The following AFDN variants were observed in gnomAD, a reference collection of about 807,000 sequenced individuals.
The protein encoded by AFDN is afadin.
A neutral mutation model predicts 216.6 loss-of-function variants in AFDN; 68 were observed. That is an observed-to-expected ratio of 0.31 (90% confidence interval 0.26 to 0.38). The LOEUF is 0.38. Among genes scored for constraint, AFDN ranks in the 10% least tolerant of loss-of-function variants. The pLI, the probability that AFDN is intolerant of heterozygous loss-of-function variation, is 1.00. For missense variants in AFDN, 2,136 were observed against 2,342.0 expected (o/e 0.91, Z 1.82); for synonymous variants, 868 against 853.7 (o/e 1.02, Z -0.29).
intron 4 of AFDN, among the ~76,000 whole-genome samples, chr6:167,872,670 A>C (rs1413183032): frequency 6.6e-6 from 1 of 152,042 alleles, no homozygotes; most frequent in African/African-American, 2.4e-5. Flanking sequence ...TTTCTTTTTC[A>C]TCTTCAGCTG....
chr6:167,878,113 AG>A (rs1785618814), intron 5 of AFDN, among the ~76,000 whole-genome samples: 1 of 152,036 alleles, frequency 6.6e-6, no homozygotes, highest in South Asian at 2.1e-4. Context: ...TTGTAAGAGA[AG>A]TTTTAGTTGA....
chr6:167,954,552 C>G, intron 30 of AFDN: 2 of 1,489,052 alleles, frequency 1.3e-6, no homozygotes, highest in Non-Finnish European at 1.8e-6. Flanking sequence ...TCTTTTCTTT[C>G]AGTGGTGGCT....
chr6:167,944,012 A>G lies in AFDN; in HGVS notation c.3311A>G (p.His1104Arg). 1.2e-6 allele frequency: 2 copies of G among 1,614,170 alleles called. No homozygotes were observed. Among genetic ancestry groups the G allele is most frequent in the Non-Finnish European group, 1.7e-6 (2 of 1,180,014 alleles). ...GTAGCAAAGCAGGGTGCCATCTACC[A>G]CGGTCTGGCCACCCTTCTCAATCAG... ...LEVAKQGAIY[H>R]GLATLLNQPS... The change falls in exon 26 of 34, where the codon CAC (histidine) becomes CGC (arginine). Residue 1104 changes from histidine (H) to arginine (R), a missense_variant. Coordinates refer to ENST00000683244, the MANE Select transcript of AFDN (RefSeq NM_001386888.1).
chr6:167,850,627 A>G (rs1782190993), intron 1 of AFDN, among the ~76,000 whole-genome samples: 1 of 152,176 alleles, frequency 6.6e-6, no homozygotes, highest in African/African-American at 2.4e-5. Context: ...CATCGTTCAA[A>G]TTTAGAACCT....
rs1029060566 is a variant in AFDN, at chr6:167,827,058, GCC to G, written c.-71_-70del. 2.2e-5 allele frequency: 15 copies of G among 675,320 alleles called. No homozygotes were observed. In the African/African-American group the frequency reaches 2.8e-4, roughly 12 times the overall value. The allele number at this position is 675,320 out of a possible 1,614,324, so 41.8% of individuals were successfully genotyped here. On this transcript the variant is annotated 5_prime_UTR_variant, in exon 1 of 34. Transcript: ENST00000683244. ...GGCGGGGGGTGGCGAGGGGCGCCGGGCCCCCGCGGACCTGTCGTCCTCGGCCC... is the reference window on the plus strand; with the variant it reads ...GGCGGGGGGTGGCGAGGGGCGCCGGGCCCGCGGACCTGTCGTCCTCGGCCC...
intron 12 of AFDN, among the ~76,000 whole-genome samples, chr6:167,904,222 CTT>C (rs1789354195): frequency 7.2e-6 from 1 of 138,582 alleles, no homozygotes; most frequent in African/African-American, 2.9e-5. Context: ...TTTTTTTTTT[CTT>C]CCTGAGACAG....
intron 12 of AFDN, among the ~76,000 whole-genome samples, chr6:167,904,937 C>T (rs1480530760): frequency 6.6e-6 from 1 of 152,214 alleles, no homozygotes; most frequent in East Asian, 1.9e-4. Flanking sequence ...CCCTGACTTG[C>T]TCAGCCCCTA....
At chr6:167,839,324 C>T (rs1780795777) in intron 1 of AFDN, among the ~76,000 whole-genome samples, 1 of 151,566 alleles carries the variant, frequency 6.6e-6, no homozygotes. Context: ...GTTTCATGGG[C>T]CGAGAAGCAT....
intron 6 of AFDN, among the ~76,000 whole-genome samples, chr6:167,884,241 C>T (rs532859313): frequency 6.6e-6 from 1 of 152,322 alleles, no homozygotes; most frequent in South Asian, 2.1e-4. Context: ...TCTTGAACAG[C>T]TCCAAATCAT....
At chr6:167,897,019 A>T (rs367723000) in intron 10 of AFDN, 47 bp downstream of exon 10, 5 of 1,109,838 alleles carry the variant, frequency 4.5e-6, no homozygotes, top group Non-Finnish European at 6.9e-6. Context: ...TCCAGGAGGC[A>T]TAACGTATTG....
chr6:167,894,149 A>G (rs1436637339), intron 9 of AFDN, among the ~76,000 whole-genome samples: 2 of 152,120 alleles, frequency 1.3e-5, no homozygotes, highest in African/African-American at 4.8e-5. Flanking sequence ...CTGGGAAGGA[A>G]CTGAAGGCAA....
At chr6:167,864,502 C>T (rs376722608) in intron 1 of AFDN, 49 bp from the exon 2 acceptor site, 612 of 1,523,150 alleles carry the variant, frequency 4.0e-4, no homozygotes, top group Non-Finnish European at 5.2e-4. Context: ...AAAGTGAATC[C>T]TTTTCAGAAT....
intron 26 of AFDN, among the ~76,000 whole-genome samples, chr6:167,946,324 C>T (rs1795253947): frequency 6.6e-6 from 1 of 152,224 alleles, no homozygotes; most frequent in Admixed American, 6.5e-5. Context: ...GCTCACGTCA[C>T]ATGACGGCTG....
intron 30 of AFDN, among the ~76,000 whole-genome samples, chr6:167,961,899 C>G (rs1353811622): frequency 6.6e-6 from 1 of 152,118 alleles, no homozygotes; most frequent in Non-Finnish European, 1.5e-5. Context: ...AGTGGCAGGC[C>G]TTGGTCCCCG....
intron 4 of AFDN, among the ~76,000 whole-genome samples, chr6:167,875,123 TCTG>T (rs551404348): frequency 6.9e-4 from 105 of 152,332 alleles, no homozygotes; most frequent in African/African-American, 2.5e-3. Context: ...ATGATAGATG[TCTG>T]CTTAGTTCAG....
intron 5 of AFDN, 81 bp downstream of exon 5, chr6:167,875,576 T>G: frequency 8.3e-6 from 12 of 1,438,716 alleles, no homozygotes; most frequent in Non-Finnish European, 1.1e-5. Context: ...GAGACTTGCT[T>G]TAACTAAAGC....
intron 29 of AFDN, among the ~76,000 whole-genome samples, chr6:167,950,408 G>GTT (rs1435194687): frequency 1.4e-5 from 2 of 148,120 alleles, no homozygotes; most frequent in Non-Finnish European, 3.0e-5. Flanking sequence ...CTGTGTGTGT[G>GTT]TGTGTGTGTG....
chr6:167,894,205 G>T (rs1787954554), intron 9 of AFDN, among the ~76,000 whole-genome samples: 1 of 152,118 alleles, frequency 6.6e-6, no homozygotes, highest in Non-Finnish European at 1.5e-5. Flanking sequence ...AAGACAGAGT[G>T]CTGTTTCAAA....
intron 13 of AFDN, 98 bp downstream of exon 13, chr6:167,907,387 A>G (rs1789842553): frequency 2.3e-6 from 2 of 867,076 alleles, no homozygotes. Flanking sequence ...TTCAGCTGAC[A>G]TGTTTACAAT....
Sources: allele counts gnomAD v4.1 joint callset (sites outside exome capture counted in the v4.1 genomes callset), GRCh38; gene constraint gnomAD v4.1.1; transcripts MANE v1.5; gene names NCBI Gene and HGNC (gene_info 2026-07-23, HGNC 2026-07-21).